Variants in SLC38A12 observed in about 807,000 individuals in gnomAD.
SLC38A12 encodes the protein solute carrier family 38 member 12, also known as putative sodium-coupled neutral amino acid transporter 12.
chr17:74,791,072 G>T, the SLC38A12 span: 1 of 1,588,130 alleles, frequency 6.3e-7, no homozygotes, highest in South Asian at 1.1e-5. Context: ...GTGGGGAAAC[G>T]GGGAGCTGGT....
the SLC38A12 span, chr17:74,785,431 G>A: frequency 6.3e-7 from 1 of 1,591,996 alleles, no homozygotes; most frequent in Non-Finnish European, 8.6e-7. Flanking sequence ...AGCTGTTAAG[G>A]GGAGAAGTTG....
At chr17:74,806,230 C>A in the SLC38A12 span, among the ~76,000 whole-genome samples, 1 of 152,160 alleles carries the variant, frequency 6.6e-6, no homozygotes, top group Non-Finnish European at 1.5e-5. Context: ...ATCAAGTTGA[C>A]CCCTAGCCTG....
At chr17:74,785,269 A>G in the SLC38A12 span, among the ~76,000 whole-genome samples, 1 of 152,214 alleles carries the variant, frequency 6.6e-6, no homozygotes, top group African/African-American at 2.4e-5. Context: ...GGCTTGAGTC[A>G]TCCATGTGTT....
chr17:74,811,575 G>A, the SLC38A12 span, among the ~76,000 whole-genome samples: 17 of 151,214 alleles, frequency 1.1e-4, no homozygotes, highest in African/African-American at 3.9e-4. Context: ...ACAAAAATTA[G>A]CAAAGCGTGG....
the SLC38A12 span, chr17:74,795,418 T>C: frequency 1.0e-6 from 1 of 969,520 alleles, no homozygotes; most frequent in Non-Finnish European, 1.5e-6. Context: ...TTGTGAAAAG[T>C]CTGATTGTTG....
chr17:74,826,281 A>C, the SLC38A12 span, among the ~76,000 whole-genome samples: 1 of 152,198 alleles, frequency 6.6e-6, no homozygotes, highest in Admixed American at 6.5e-5. Flanking sequence ...AGGCTCAGAC[A>C]CTTGCCCTTC....
At chr17:74,820,816 G>A in the SLC38A12 span, among the ~76,000 whole-genome samples, 4 of 152,270 alleles carry the variant, frequency 2.6e-5, no homozygotes, top group South Asian at 2.1e-4. Context: ...GGGGGTGCAC[G>A]CTGATCCTGA....
chr17:74,816,651 A>G, the SLC38A12 span, among the ~76,000 whole-genome samples: 1 of 152,116 alleles, frequency 6.6e-6, no homozygotes. Context: ...TGAAGATGTT[A>G]TTAGAAATCA....
chr17:74,836,543 C>G, the SLC38A12 span: 1 of 1,613,260 alleles, frequency 6.2e-7, no homozygotes, highest in Non-Finnish European at 8.5e-7. This position sits in a 1 kb window ranked among gnomAD's most constrained non-coding sequence, Gnocchi z 4.2. Context: ...GCAGGGACAC[C>G]CAGCTGGCCT....
the SLC38A12 span, among the ~76,000 whole-genome samples, chr17:74,795,906 G>A: frequency 2.6e-5 from 4 of 152,336 alleles, no homozygotes; most frequent in East Asian, 7.7e-4. Flanking sequence ...CGTGACTGTT[G>A]TAAACTTAGC....
the SLC38A12 span, among the ~76,000 whole-genome samples, chr17:74,785,166 G>A: frequency 6.6e-6 from 1 of 152,204 alleles, no homozygotes; most frequent in Non-Finnish European, 1.5e-5. Flanking sequence ...GAAGCCTACA[G>A]CCTGGTTGAG....
the SLC38A12 span, among the ~76,000 whole-genome samples, chr17:74,828,363 G>A: frequency 6.6e-6 from 1 of 152,164 alleles, no homozygotes; most frequent in Non-Finnish European, 1.5e-5. Context: ...TTCACCCTTG[G>A]CCCTCAGGGT....
chr17:74,802,786 T>C, the SLC38A12 span, among the ~76,000 whole-genome samples: 1 of 152,232 alleles, frequency 6.6e-6, no homozygotes, highest in Admixed American at 6.5e-5. Context: ...TTTGGGGTGC[T>C]TAGCCTAAAC....
At chr17:74,826,220 G>A in the SLC38A12 span, among the ~76,000 whole-genome samples, 1 of 152,218 alleles carries the variant, frequency 6.6e-6, no homozygotes, top group East Asian at 1.9e-4. Context: ...GGAAGTGGAA[G>A]GATGAAAGGC....
the SLC38A12 span, among the ~76,000 whole-genome samples, chr17:74,783,888 C>T: frequency 6.6e-6 from 1 of 151,928 alleles, no homozygotes; most frequent in South Asian, 2.1e-4. Flanking sequence ...ACGCCACCCC[C>T]CAGCTAATTT....
the SLC38A12 span, among the ~76,000 whole-genome samples, chr17:74,812,637 G>A: frequency 6.6e-6 from 1 of 152,124 alleles, no homozygotes; most frequent in East Asian, 1.9e-4. Flanking sequence ...GCTCGGCTGT[G>A]CGATTTGTGC....
the SLC38A12 span, chr17:74,839,558 G>A: frequency 4.2e-4 from 69 of 165,318 alleles, 1 homozygote; most frequent in Non-Finnish European, 1.1e-4. Context: ...GGGTCATTAT[G>A]TGCCAGGCAT....
chr17:74,836,952 C>T, the SLC38A12 span: 1 of 1,288,292 alleles, frequency 7.8e-7, no homozygotes, highest in Non-Finnish European at 9.8e-7. This position sits in a 1 kb window ranked among gnomAD's most constrained non-coding sequence, Gnocchi z 4.2. Context: ...AGACTCATTA[C>T]TGGAATCACA....
chr17:74,811,248 T>C, the SLC38A12 span, among the ~76,000 whole-genome samples: 1 of 152,106 alleles, frequency 6.6e-6, no homozygotes, highest in Non-Finnish European at 1.5e-5. Flanking sequence ...GAGGATTGCT[T>C]GAGCCTGGGA....
Sources: allele counts gnomAD v4.1 joint callset (sites outside exome capture counted in the v4.1 genomes callset), GRCh38; gene constraint gnomAD v4.1.1; non-coding constraint Gnocchi (gnomAD v3.1); transcripts MANE v1.5; gene names NCBI Gene and HGNC (gene_info 2026-07-23, HGNC 2026-07-21).